Variants in NCEH1 observed in about 807,000 individuals in gnomAD.
The protein encoded by NCEH1 is 2-acetyl MAGE hydrolase.
A neutral mutation model predicts 25.4 loss-of-function variants in NCEH1; 9 were observed. That is an observed-to-expected ratio of 0.35 (90% confidence interval 0.21 to 0.62). The LOEUF is 0.62. Among genes scored for constraint, NCEH1 ranks in the 20% least tolerant of loss-of-function variants. The pLI, the probability that NCEH1 is intolerant of heterozygous loss-of-function variation, is 0.72. For synonymous variants in NCEH1, 200 were observed against 199.8 expected, an observed-to-expected ratio of 1.00 and a Z score of -0.01; for missense variants, 412 against 501.1, an observed-to-expected ratio of 0.82 and a Z score of 1.70.
At chr3:172,669,557 AT>A (rs1342421314) in intron 1 of NCEH1, among the ~76,000 whole-genome samples, 1 of 152,098 alleles carries the variant, frequency 6.6e-6, no homozygotes, top group Non-Finnish European at 1.5e-5. Flanking sequence ...GTGGTTATTT[AT>A]TTTTTTGACA....
chr3:172,678,498 G>A (rs753089080), intron 1 of NCEH1, among the ~76,000 whole-genome samples: 2 of 152,078 alleles, frequency 1.3e-5, no homozygotes, highest in Admixed American at 6.6e-5. Context: ...CCTTCCAAAC[G>A]TTTAGTCTAT....
intron 1 of NCEH1, among the ~76,000 whole-genome samples, chr3:172,684,994 A>T (rs539046366): frequency 6.8e-6 from 1 of 147,742 alleles, no homozygotes; most frequent in African/African-American, 2.7e-5. Context: ...TCCCATCCCC[A>T]AAAAAAAGAC....
At chr3:172,704,734 T>C (rs62281171) in intron 1 of NCEH1, among the ~76,000 whole-genome samples, 2,008 of 152,350 alleles carry the variant, frequency 0.013, 25 homozygotes, top group Non-Finnish European at 0.018. Flanking sequence ...GGTAGGCACG[T>C]TGGCTTATGC....
chr3:172,636,777 C>T (rs776045340), intron 3 of NCEH1, among the ~76,000 whole-genome samples: 5 of 152,224 alleles, frequency 3.3e-5, no homozygotes, highest in Non-Finnish European at 7.3e-5. Flanking sequence ...CTACTCTGTA[C>T]ACCTAGTAGA....
chr3:172,652,517 G>T (rs1717448789), intron 1 of NCEH1, among the ~76,000 whole-genome samples: 1 of 152,190 alleles, frequency 6.6e-6, no homozygotes, highest in Admixed American at 6.5e-5. Context: ...CACTGTATAA[G>T]ATCCTCCAAA....
At chr3:172,658,346 G>A (rs960039282) in intron 1 of NCEH1, among the ~76,000 whole-genome samples, 4 of 152,162 alleles carry the variant, frequency 2.6e-5, no homozygotes, top group African/African-American at 9.7e-5. Context: ...TTGGTGGATC[G>A]CCATCTGGCT....
Position 172,710,867 on chromosome 3 carries a change from A to G in NCEH1, c.118T>C (p.Phe40Leu), listed in dbSNP as rs1714263267. 1 of 1,614,106 alleles carries G rather than the reference A, an allele frequency of 6.2e-7. No individual in the cohort carries two copies. Among genetic ancestry groups the G allele is most frequent in the Non-Finnish European group, 8.5e-7 (1 of 1,180,028 alleles). The part of the protein sequence containing the change: ...PWKLMLLDAT[F>L]RGAQQVSNLI... ...CTCACCACTTGCTGTGCACCCCGGA[A>G]AGTGGCGTCCAGCAGCATCAGCTTC... is the stretch of plus-strand genomic sequence containing the variant. Residue 40 changes from phenylalanine to leucine, a missense_variant, in exon 1 of 5, where the codon TTC becomes CTC. Transcript: ENST00000475381.
chr3:172,702,431 A>G (rs1365767818), intron 1 of NCEH1, among the ~76,000 whole-genome samples: 1 of 152,170 alleles, frequency 6.6e-6, no homozygotes, highest in East Asian at 1.9e-4. Flanking sequence ...AGATGCCTCT[A>G]TCATAATTCT....
At chr3:172,693,505 TAA>T (rs1190482431) in intron 1 of NCEH1, among the ~76,000 whole-genome samples, 5 of 151,598 alleles carry the variant, frequency 3.3e-5, no homozygotes, top group Non-Finnish European at 5.9e-5. Context: ...GGGGATGAGA[TAA>T]AGATATTTAA....
At chr3:172,697,312 C>T (rs184693201) in intron 1 of NCEH1, among the ~76,000 whole-genome samples, 61 of 152,220 alleles carry the variant, frequency 4.0e-4, no homozygotes, top group Non-Finnish European at 7.1e-4. Flanking sequence ...CAGGCCAAAA[C>T]CCAATTCAAC....
chr3:172,636,259 GCA>G, intron 3 of NCEH1, 172 bp from the exon 4 acceptor site: 1 of 448,756 alleles, frequency 2.2e-6, no homozygotes, highest in Non-Finnish European at 3.9e-6. Flanking sequence ...CCATTTTCTT[GCA>G]AATCAAATAC....
intron 1 of NCEH1, among the ~76,000 whole-genome samples, chr3:172,705,404 A>G (rs1713916172): frequency 6.6e-6 from 1 of 152,232 alleles, no homozygotes; most frequent in African/African-American, 2.4e-5. Flanking sequence ...TATGATAAAC[A>G]TGTGAGCACC....
rs149414637 is a variant in NCEH1 at position 172,686,812 on chromosome 3, A to G, written c.138+24035T>C. 2.9e-3 allele frequency among the ~76,000 whole-genome samples: 433 copies of G among 151,872 alleles called. 4 individuals are homozygous for G. Among genetic ancestry groups the G allele is most frequent in the African/African-American group, 9.8e-3 (405 of 41,370 alleles). ...AGCTTCCCGTTTTCTCACTTTTCCT[A>G]TTGTCTTTCTCACACCAAGTTTTCC... On this transcript the variant is annotated intron_variant, in intron 1 of 4. Coordinates refer to ENST00000475381, the MANE Select transcript of NCEH1 (RefSeq NM_020792.6).
In NCEH1 at chr3:172,650,509, C is replaced by T. The variant is rs552042638; in HGVS notation, c.139-2395G>A. ...ATACAAAAAAAAAAAATCAGCCGGG[C>T]ATGGTGGCGGGCGCCTGTAGTCCCA... On this transcript the variant is annotated intron_variant, in intron 1 of 4. Transcript: ENST00000475381. Among the ~76,000 whole-genome samples the T allele has an allele frequency of 2.6e-5, 4 of 151,362 alleles. No homozygotes were observed. The East Asian group carries it at 7.8e-4, about 29-fold the overall frequency.
chr3:172,700,235 TTC>T, intron 1 of NCEH1, among the ~76,000 whole-genome samples: 1 of 152,314 alleles, frequency 6.6e-6, no homozygotes, highest in Middle Eastern at 3.4e-3. Flanking sequence ...ATCTTGTGAA[TTC>T]TGTTATTCAA....
intron 1 of NCEH1, among the ~76,000 whole-genome samples, chr3:172,661,490 T>G (rs1458339210): frequency 1.3e-5 from 2 of 152,120 alleles, no homozygotes; most frequent in Non-Finnish European, 2.9e-5. Flanking sequence ...CTTTAAAGTA[T>G]TTTTTTCCAA....
chr3:172,662,754 G>T (rs1165544552), intron 1 of NCEH1, among the ~76,000 whole-genome samples: 2 of 152,234 alleles, frequency 1.3e-5, no homozygotes, highest in Admixed American at 1.3e-4. Flanking sequence ...TATTTGCGTA[G>T]AGGTGTTCAT....
At chr3:172,642,171 T>G (rs539072139) in intron 3 of NCEH1, among the ~76,000 whole-genome samples, 1 of 151,750 alleles carries the variant, frequency 6.6e-6, no homozygotes, top group Admixed American at 6.6e-5. Flanking sequence ...TTTTTTCTAT[T>G]TTTTTGTTTT....
intron 1 of NCEH1, among the ~76,000 whole-genome samples, chr3:172,665,391 G>C (rs1718160020): frequency 6.6e-6 from 1 of 152,208 alleles, no homozygotes; most frequent in African/African-American, 2.4e-5. Flanking sequence ...TGAGGTGTCA[G>C]TTGGCCCCCA....
Sources: allele counts gnomAD v4.1 joint callset (sites outside exome capture counted in the v4.1 genomes callset), GRCh38; gene constraint gnomAD v4.1.1; transcripts MANE v1.5; gene names NCBI Gene and HGNC (gene_info 2026-07-23, HGNC 2026-07-21).